Variants in CFAP221 observed in about 807,000 individuals in gnomAD.
CFAP221 encodes the protein cilia- and flagella-associated protein 221.
In CFAP221, 97 loss-of-function variants were observed where a neutral mutation model predicts 113.1. That is an observed-to-expected ratio of 0.86 (90% confidence interval 0.73 to 1.02). The LOEUF (loss-of-function observed/expected upper bound fraction) is 1.02, where lower values mean the gene tolerates loss of function less well. CFAP221 is among the 50% of genes least tolerant of loss of function. The probability of loss-of-function intolerance (pLI) is 0.00; values close to 1 mark genes in which losing one functional copy is unlikely to be tolerated. For synonymous variants in CFAP221, 331 were observed against 354.4 expected (o/e 0.93, Z 0.74); for missense variants, 1,025 against 1,013.4 (o/e 1.01, Z -0.16).
chr2:119,565,267 G>A (rs193154315), intron 6 of CFAP221, among the ~76,000 whole-genome samples: 2 of 152,218 alleles, frequency 1.3e-5, no homozygotes, highest in Non-Finnish European at 2.9e-5. Flanking sequence ...TCCTTGCAGG[G>A]TCCACTCACT....
chr2:119,619,398 G>C (rs953372943), intron 14 of CFAP221, among the ~76,000 whole-genome samples: 1 of 152,198 alleles, frequency 6.6e-6, no homozygotes, highest in Non-Finnish European at 1.5e-5. Flanking sequence ...GAAACAGGCA[G>C]CAATCTTTGC....
intron 22 of CFAP221, 134 bp from the exon 23 acceptor site, chr2:119,651,840 A>G (rs887475226): frequency 8.4e-6 from 5 of 591,924 alleles, no homozygotes; most frequent in Non-Finnish European, 1.4e-5. Flanking sequence ...TTTTAATGTA[A>G]ACAACAAAAG....
chr2:119,605,242 G>T lies in CFAP221; in HGVS notation c.1086G>T (p.Gln362His). The T allele has an allele frequency of 1.2e-6, 2 of 1,614,224 alleles. No individual in the cohort carries two copies. Among genetic ancestry groups the T allele is most frequent in the South Asian group, 2.2e-5 (2 of 91,090 alleles). ...AGATGAAGGAGGCACTCTTTGAACA[G>T]AAAGTCAGACAGGACATTCACGAAG... Reference protein sequence around the residue: ...TRQMKEALFEQKVRQDIHEEM... With the variant: ...TRQMKEALFEHKVRQDIHEEM... Residue 362 changes from glutamine (Q) to histidine (H), a missense_variant, in exon 11 of 24, where the codon CAG (glutamine) becomes CAT (histidine). By Grantham distance (24) the Gln-to-His change is conservative. Coordinates refer to ENST00000413369, the MANE Select transcript of CFAP221 (RefSeq NM_001271049.2).
chr2:119,569,216 C>T (rs1681869127), intron 6 of CFAP221, among the ~76,000 whole-genome samples: 3 of 152,054 alleles, frequency 2.0e-5, no homozygotes, highest in African/African-American at 4.8e-5. Flanking sequence ...TCATTGCAAC[C>T]TCTGTCTCCT....
At chr2:119,659,412 ACACGCTAGTTGGGTTTAATTATTTATT>A, downstream of CFAP221, among the ~76,000 whole-genome samples, 1 of 113,914 alleles carries the variant, frequency 8.8e-6, no homozygotes, top group East Asian at 2.8e-4. Flanking sequence ...GGGTTCCCCT[ACACGCTAGTTGGGTTTAATTATTTATT>A]TCAGGGTACG....
chr2:119,645,509 T>C (rs1687749352), intron 21 of CFAP221, among the ~76,000 whole-genome samples: 1 of 151,662 alleles, frequency 6.6e-6, no homozygotes, highest in Admixed American at 6.6e-5. Context: ...TCACTTACTA[T>C]CTCCAGAAAG....
chr2:119,546,309 T>C (rs1680047817), intron 2 of CFAP221, 39 bp downstream of exon 2: 6 of 1,524,548 alleles, frequency 3.9e-6, no homozygotes, highest in East Asian at 2.4e-5. Flanking sequence ...ACAGCTCACA[T>C]CTTCCCAGGC....
At chr2:119,570,124 A>G (rs1389683910) in intron 6 of CFAP221, among the ~76,000 whole-genome samples, 1 of 152,190 alleles carries the variant, frequency 6.6e-6, no homozygotes. Context: ...TGTGTTGGTA[A>G]AGTCACAGCA....
intron 14 of CFAP221, among the ~76,000 whole-genome samples, chr2:119,624,728 G>A (rs936581152): frequency 6.6e-5 from 10 of 152,136 alleles, no homozygotes; most frequent in Non-Finnish European, 1.0e-4. Context: ...CAGGGACATG[G>A]ATGAAGCTAG....
chr2:119,607,754 A>G (rs1004080465), intron 11 of CFAP221, among the ~76,000 whole-genome samples: 18 of 152,242 alleles, frequency 1.2e-4, no homozygotes, highest in African/African-American at 4.3e-4. Context: ...TATAAAGGGA[A>G]TCACAGAATA....
intron 19 of CFAP221, among the ~76,000 whole-genome samples, chr2:119,632,539 G>T (rs1686843835): frequency 6.6e-6 from 1 of 152,114 alleles, no homozygotes. Context: ...AAACGGAGTA[G>T]TAAATCACTG....
At chr2:119,636,434 ATG>A (rs750606242) in intron 19 of CFAP221, among the ~76,000 whole-genome samples, 3 of 152,236 alleles carry the variant, frequency 2.0e-5, no homozygotes, top group Non-Finnish European at 4.4e-5. Context: ...AAATAGGGGT[ATG>A]TGTGTACCAT....
intron 13 of CFAP221, among the ~76,000 whole-genome samples, chr2:119,613,245 T>C (rs1196259494): frequency 6.6e-6 from 1 of 152,194 alleles, no homozygotes; most frequent in Non-Finnish European, 1.5e-5. Flanking sequence ...GTTTTCCAGG[T>C]GCACAGTGCA....
intron 17 of CFAP221, 125 bp from the exon 18 acceptor site, chr2:119,630,445 A>G (rs551627686): frequency 1.4e-6 from 1 of 697,712 alleles, no homozygotes; most frequent in African/African-American, 1.8e-5. Flanking sequence ...CCACAATCCG[A>G]TGACTACAAC....
Position 119,572,562 on chromosome 2 carries a change from T to C in CFAP221, c.527+10448T>C, listed in dbSNP as rs774100811. ...AGTTTACCCAACAGCGTCTTCCTGG[T>C]ACCAGATAACTAGTTGAAACTTGGA... On this transcript the variant is annotated intron_variant, in intron 6 of 23. Transcript: ENST00000413369. 1.7e-3 allele frequency: 1,164 copies of C among 701,380 alleles called. 20 individuals are homozygous for C. Among genetic ancestry groups the C allele is most frequent in the Admixed American group, 4.2e-4 (21 of 50,020 alleles). 43.4% of individuals were successfully genotyped at this position (701,380 alleles called of 1,614,324 possible). A position where few individuals can be genotyped will look rare whatever the true frequency, so the allele number is the denominator to read the frequency against.
chr2:119,547,256 A>G (rs1346643604), intron 2 of CFAP221, among the ~76,000 whole-genome samples: 1 of 152,216 alleles, frequency 6.6e-6, no homozygotes, highest in Non-Finnish European at 1.5e-5. Flanking sequence ...AAATCTTTCA[A>G]CATTAAAAAA....
intron 7 of CFAP221, among the ~76,000 whole-genome samples, chr2:119,594,034 A>T (rs1256791927): frequency 1.3e-5 from 2 of 152,150 alleles, no homozygotes; most frequent in Admixed American, 1.3e-4. Flanking sequence ...TTTGCAGGGG[A>T]CAAACATCCA....
At position 119,639,074 on chromosome 2, in the gene CFAP221, G is replaced by A. The variant is rs943971841; in HGVS notation, c.2133+657G>A. Among the ~76,000 whole-genome samples, 85 of 151,954 alleles carry A rather than the reference G, an allele frequency of 5.6e-4. 1 individual carries two copies. Among genetic ancestry groups the A allele is most frequent in the African/African-American group, 1.8e-3 (76 of 41,458 alleles). ...CCCATTCCCCTCATCTAACCACCCC[G>A]GGGGGGTGGGGGGGCGGGCACCGGT... On this transcript the variant is annotated intron_variant, in intron 20 of 23. Coordinates refer to ENST00000413369, the MANE Select transcript of CFAP221 (RefSeq NM_001271049.2).
intron 22 of CFAP221, 83 bp downstream of exon 22, chr2:119,647,133 T>C (rs751368106): frequency 1.9e-6 from 2 of 1,035,798 alleles, no homozygotes; most frequent in East Asian, 4.9e-5. Flanking sequence ...AACTTCAGAA[T>C]AGCACACAGT....
Sources: allele counts gnomAD v4.1 joint callset (sites outside exome capture counted in the v4.1 genomes callset), GRCh38; gene constraint gnomAD v4.1.1; transcripts MANE v1.5; gene names NCBI Gene and HGNC (gene_info 2026-07-23, HGNC 2026-07-21).